Variants in NDRG1 observed in about 807,000 individuals in gnomAD.
The protein encoded by NDRG1 is protein NDRG1.
In NDRG1, 32 loss-of-function variants were observed where a neutral mutation model predicts 56.9. That is an observed-to-expected ratio of 0.56 (90% confidence interval 0.42 to 0.76). The LOEUF is 0.76. Ranked by LOEUF, NDRG1 falls within the 30% of genes least tolerant of loss-of-function variation. The pLI, the probability that NDRG1 is intolerant of heterozygous loss-of-function variation, is 0.00. For missense variants in NDRG1, 507 were observed against 545.7 expected (o/e 0.93, Z 0.71); for synonymous variants, 211 against 204.1 (o/e 1.03, Z -0.29).
Position 133,256,870 on chromosome 8 carries a change from T to C in NDRG1, c.451-7A>G, listed in dbSNP as rs763311104. 1 of 1,613,496 alleles carries C rather than the reference T, an allele frequency of 6.2e-7. No individual in the cohort carries two copies. The highest frequency in any genetic ancestry group is 8.5e-7 in the Non-Finnish European group (1 of 1,179,550). On this transcript the variant is annotated splice_polypyrimidine_tract_variant and splice_region_variant and intron_variant, in intron 7 of 15. Coordinates refer to ENST00000323851, the MANE Select transcript of NDRG1 (RefSeq NM_006096.4). ...CCATCTCAGGGTTGTTTAGCTGCAA[T>C]TCAAGACACAAAGTGAGACAGACAT...
chr8:133,261,513 C>A (rs1856658392), intron 5 of NDRG1, among the ~76,000 whole-genome samples: 1 of 152,220 alleles, frequency 6.6e-6, no homozygotes, highest in South Asian at 2.1e-4. Flanking sequence ...ACAACAGCAG[C>A]CACACAGAGC....
At chr8:133,294,681 G>GA (rs879714914) in intron 1 of NDRG1, among the ~76,000 whole-genome samples, 1 of 151,224 alleles carries the variant, frequency 6.6e-6, no homozygotes, top group African/African-American at 2.4e-5. Context: ...TGGGGGGGGG[G>GA]CAGCCCCATT....
At chr8:133,261,934 T>TA in intron 5 of NDRG1, 113 bp downstream of exon 5, 1 of 1,391,462 alleles carries the variant, frequency 7.2e-7, no homozygotes. Context: ...CTTAAGATGA[T>TA]ACGTTTTATA....
At chr8:133,255,065 G>C in intron 8 of NDRG1, 1 of 337,628 alleles carries the variant, frequency 3.0e-6, no homozygotes, top group South Asian at 2.3e-5. Context: ...CAAAGACACT[G>C]ACAATCTTCT....
intron 1 of NDRG1, among the ~76,000 whole-genome samples, chr8:133,296,221 G>A (rs1480924387): frequency 6.6e-6 from 1 of 151,920 alleles, no homozygotes; most frequent in African/African-American, 2.4e-5. Flanking sequence ...CCCCGTGGAG[G>A]GCAGGAGCGG....
chr8:133,259,508 GC>G (rs1856558314), intron 5 of NDRG1: 1 of 502,860 alleles, frequency 2.0e-6, no homozygotes, highest in Non-Finnish European at 3.6e-6. Context: ...TCCCCTCATA[GC>G]AAGATTATAA....
In NDRG1 at chr8:133,264,587, G is replaced by A. The variant is rs368056707; in HGVS notation, c.165C>T (p.Asn55=). The change falls in exon 4 of 16, where the codon AAC becomes AAT. Residue 55 remains asparagine (N), a synonymous_variant. Coordinates refer to ENST00000323851, the MANE Select transcript of NDRG1 (RefSeq NM_006096.4). ...CATGGTAGGTGAGGATGACAGGCCG[G>A]TTTCCCTTGGGAGTCCCACACAGCG... The part of the protein sequence containing the change: ...HVTLCGTPKG[N]RPVILTYHDI... 1.8e-5 allele frequency: 29 copies of A among 1,614,088 alleles called. No individual in the cohort carries two copies. The highest frequency in any genetic ancestry group is 1.6e-4 in the Middle Eastern group (1 of 6,082).
chr8:133,238,983 G>A lies in NDRG1; in HGVS notation c.1080C>T (p.Thr360=), dbSNP rs1426107612. Residue 360 remains threonine (T), a synonymous_variant, in exon 16 of 16, where the codon ACC becomes ACT. Coordinates refer to ENST00000323851, the MANE Select transcript of NDRG1 (RefSeq NM_006096.4). ...CCTCGCTGGTGTGCGAGCGGCTGCGGGTGCCCTCGCTGGTGTGGGAGCGGC... is the reference window on the plus strand; with the variant it reads ...CCTCGCTGGTGTGCGAGCGGCTGCGAGTGCCCTCGCTGGTGTGGGAGCGGC... The part of the protein sequence containing the change: ...TRSRSHTSEG[T]RSRSHTSEGA... 1 of 1,592,286 alleles carries A rather than the reference G, an allele frequency of 6.3e-7. No homozygotes were observed. The highest frequency in any genetic ancestry group is 8.5e-7 in the Non-Finnish European group (1 of 1,170,980).
intron 3 of NDRG1, 30 bp from the exon 4 acceptor site, chr8:133,264,682 T>A (rs750449965): frequency 6.3e-7 from 1 of 1,585,478 alleles, no homozygotes; most frequent in Non-Finnish European, 8.7e-7. Flanking sequence ...AGTGGGCTGG[T>A]CATGTGGGGT....
At position 133,252,101 on chromosome 8, in the gene NDRG1, TTC is replaced by T. The variant is rs200975884; in HGVS notation, c.595-1560_595-1559del. Among the ~76,000 whole-genome samples, 694 of 152,286 alleles carry T rather than the reference TTC, an allele frequency of 4.6e-3. 1 individual carries two copies. The highest frequency in any genetic ancestry group is 0.016 in the African/African-American group (662 of 41,536). ...AGAGAATACACTTTTGTTTTCCTTT[TTC>T]TCTGTTTTTGAGACAGAGTCTCCCT... On this transcript the variant is annotated intron_variant, in intron 9 of 15. Transcript: ENST00000323851.
chr8:133,295,408 ACAC>A (rs1167366426), intron 1 of NDRG1, among the ~76,000 whole-genome samples: 2 of 152,196 alleles, frequency 1.3e-5, no homozygotes, highest in Non-Finnish European at 2.9e-5. Context: ...TTTTCCATCC[ACAC>A]CAAAACCCTC....
At chr8:133,259,016 A>C in intron 6 of NDRG1, 152 bp downstream of exon 6, 1 of 791,402 alleles carries the variant, frequency 1.3e-6, no homozygotes, top group Non-Finnish European at 2.3e-6. Flanking sequence ...TGTGAAGAAC[A>C]GTGTTCACAG....
rs754704497 is a variant in NDRG1, at chr8:133,247,878, G to T, written c.804C>A (p.Ala268=). 3.1e-6 allele frequency: 5 copies of T among 1,614,022 alleles called. No individual in the cohort carries two copies. Among genetic ancestry groups the T allele is most frequent in the Non-Finnish European group, 2.5e-6 (3 of 1,179,976 alleles). The change falls in exon 12 of 16, where the codon GCC becomes GCA. Residue 268 remains alanine (A), a synonymous_variant. Coordinates refer to ENST00000323851, the MANE Select transcript of NDRG1 (RefSeq NM_006096.4). The part of the protein sequence containing the change: ...VVGDSSPAVD[A]VVECNSKLDP... ...ATCAGCTGTGATTTCTACATACCACGGCATCCACTGCAGGCGAGCTGTCCC... is the reference window on the plus strand; with the variant it reads ...ATCAGCTGTGATTTCTACATACCACTGCATCCACTGCAGGCGAGCTGTCCC...
Position 133,238,886 on chromosome 8 carries a change from A to C in NDRG1, c.1177T>G (p.Ser393Ala), listed in dbSNP as rs756758815. ...NSAGPKSMEVSC is the reference protein window; with the variant it reads ...NSAGPKSMEVAC ...GCAGCTGGGCAGGCCGCCTAGCAGG[A>C]GACCTCCATGGACTTGGGCCCGGCG... is the stretch of plus-strand genomic sequence containing the variant. The change falls in exon 16 of 16, where the codon TCC becomes GCC. Residue 393 changes from serine to alanine, a missense_variant. Transcript: ENST00000323851. The C allele has an allele frequency of 6.4e-7, 1 of 1,554,800 alleles. No individual in the cohort carries two copies.
At chr8:133,256,310 T>C (rs1287521186) in intron 8 of NDRG1, 2 of 163,740 alleles carry the variant, frequency 1.2e-5, no homozygotes, top group Non-Finnish European at 1.3e-5. Context: ...CTAATTATTA[T>C]CGTAAAATTC....
intron 9 of NDRG1, among the ~76,000 whole-genome samples, chr8:133,252,575 C>T (rs1408094410): frequency 7.7e-6 from 1 of 129,808 alleles, no homozygotes; most frequent in East Asian, 2.2e-4. Flanking sequence ...TCGCCAACTC[C>T]GGAGTGGGGC....
At chr8:133,242,195 A>G in intron 14 of NDRG1, 121 bp from the exon 15 acceptor site, 2 of 968,510 alleles carry the variant, frequency 2.1e-6, no homozygotes, top group South Asian at 1.3e-5. Context: ...AAAAGCCATC[A>G]CGTGTTGACA....
chr8:133,277,554 A>G (rs1316192084), intron 3 of NDRG1, among the ~76,000 whole-genome samples: 1 of 152,220 alleles, frequency 6.6e-6, no homozygotes, highest in Non-Finnish European at 1.5e-5. Context: ...ATGACAGAGC[A>G]AGACTCTGTC....
chr8:133,260,535 T>C (rs1856609971), intron 5 of NDRG1, among the ~76,000 whole-genome samples: 1 of 152,188 alleles, frequency 6.6e-6, no homozygotes, highest in Admixed American at 6.5e-5. Context: ...TCAGAATATT[T>C]GTAAAACTTC....
Sources: gnomAD v4.1 joint callset for allele counts (sites outside exome capture counted in the v4.1 genomes callset) on GRCh38, gnomAD v4.1.1 for gene constraint, MANE v1.5 for transcripts, NCBI Gene and HGNC (gene_info 2026-07-23, HGNC 2026-07-21) for gene names.